Variants in MYL4 observed in about 807,000 individuals in gnomAD.
MYL4 encodes the protein atrial myosin light chain 1.
A neutral mutation model predicts 21.6 loss-of-function variants in MYL4; 16 were observed. That is an observed-to-expected ratio of 0.74 (90% confidence interval 0.50 to 1.12). The LOEUF (loss-of-function observed/expected upper bound fraction) is 1.12, where lower values mean the gene tolerates loss of function less well. MYL4 is among the 50% of genes most tolerant of loss of function. The pLI, the probability that MYL4 is intolerant of heterozygous loss-of-function variation, is 0.00. For missense variants in MYL4, 249 were observed against 252.9 expected (o/e 0.98, Z 0.11); for synonymous variants, 82 against 95.7 (o/e 0.86, Z 0.83).
intron 2 of MYL4, among the ~76,000 whole-genome samples, chr17:47,218,298 T>C (rs2064830035): frequency 6.6e-6 from 1 of 152,236 alleles, no homozygotes; most frequent in East Asian, 1.9e-4. Flanking sequence ...AAATAATCCA[T>C]ACGCAGCCTC....
chr17:47,209,286 C>A, upstream of MYL4: 1 of 1,148,746 alleles, frequency 8.7e-7, no homozygotes, highest in Non-Finnish European at 1.3e-6. Context: ...CTTGCTTTCA[C>A]CCAGCCCCTC....
Position 47,209,357 on chromosome 17 carries a change from C to G in MYL4, c.-66C>G. Reference sequence around the variant, plus strand: ...GGCAGCCCAGGCTCCTATCTCATCTCCCAGACGCCACGTCTCTCGGTTTCT... The same window carrying G: ...GGCAGCCCAGGCTCCTATCTCATCTGCCAGACGCCACGTCTCTCGGTTTCT... On this transcript the variant is annotated 5_prime_UTR_variant, in exon 1 of 7. Coordinates refer to ENST00000393450, the MANE Select transcript of MYL4 (RefSeq NM_002476.2). 2 of 1,609,402 alleles carry G rather than the reference C, an allele frequency of 1.2e-6. No homozygotes were observed. Among genetic ancestry groups the G allele is most frequent in the Non-Finnish European group, 1.7e-6 (2 of 1,177,008 alleles).
intron 5 of MYL4, 63 bp from the exon 6 acceptor site, chr17:47,222,951 C>A: frequency 6.2e-7 from 1 of 1,600,128 alleles, no homozygotes; most frequent in South Asian, 1.1e-5. Context: ...AGAGAAGGGA[C>A]AAGTGGTTTA....
At chr17:47,222,535 G>C (rs2064864701) in intron 5 of MYL4, 78 bp downstream of exon 5, 2 of 1,394,268 alleles carry the variant, frequency 1.4e-6, no homozygotes, top group Admixed American at 3.6e-5. Context: ...GGGCCCAGGA[G>C]CTGGAGGGTA....
upstream of MYL4, among the ~76,000 whole-genome samples, chr17:47,206,824 C>T (rs969287259): frequency 6.6e-6 from 1 of 152,198 alleles, no homozygotes; most frequent in Non-Finnish European, 1.5e-5. Context: ...TTCTATCCTG[C>T]AGCTCTTTAC....
chr17:47,222,387 G>A lies in MYL4; in HGVS notation c.495G>A (p.Lys165=), dbSNP rs1397460433. 1 of 1,614,160 alleles carries A rather than the reference G, an allele frequency of 6.2e-7. No individual in the cohort carries two copies. Among genetic ancestry groups the A allele is most frequent in the South Asian group, 1.1e-5 (1 of 91,086 alleles). The change falls in exon 5 of 7, where the codon AAG becomes AAA. Residue 165 remains lysine (K), a synonymous_variant. Transcript: ENST00000393450. ...CTCCCAAACCCACCGCAGGAGAGAA[G>A]ATGACTGAGGCTGAAGTGGAGCAGC... ...LRHVLATLGE[K]MTEAEVEQLL... is the part of the protein sequence containing the mutation.
At chr17:47,220,870 G>A (rs552842265) in intron 3 of MYL4, among the ~76,000 whole-genome samples, 121 of 152,242 alleles carry the variant, frequency 7.9e-4, no homozygotes, top group African/African-American at 2.9e-3. Context: ...TCTCAGCAAG[G>A]GTGGTCTGTC....
the MYL4 span, among the ~76,000 whole-genome samples, chr17:47,192,000 G>A: frequency 2.6e-5 from 4 of 152,286 alleles, no homozygotes; most frequent in Middle Eastern, 3.4e-3. Flanking sequence ...CTGATGCTTG[G>A]CACTCTGGCT....
rs958119965 is a variant in MYL4 at position 47,223,210 on chromosome 17, A to T, written c.*15+153A>T. The T allele has an allele frequency of 8.4e-6, 6 of 711,686 alleles. No homozygotes were observed. In the African/African-American group the frequency reaches 8.9e-5, roughly 11 times the overall value. 44.1% of individuals were successfully genotyped at this position (711,686 alleles called of 1,614,324 possible). On this transcript the variant is annotated intron_variant, in intron 6 of 6. Coordinates refer to ENST00000393450, the MANE Select transcript of MYL4 (RefSeq NM_002476.2). ...GTGAGGACAGCCCTGCTCACTCACCATCTCCTGTCTCCTGCCTGCCCTTGC... is the reference window on the plus strand; with the variant it reads ...GTGAGGACAGCCCTGCTCACTCACCTTCTCCTGTCTCCTGCCTGCCCTTGC...
upstream of MYL4, chr17:47,209,300 G>A: frequency 3.0e-6 from 4 of 1,315,510 alleles, no homozygotes; most frequent in Non-Finnish European, 4.3e-6. Context: ...GCCCCTCTGT[G>A]GGGGCTCCTG....
intron 1 of MYL4, among the ~76,000 whole-genome samples, chr17:47,203,465 T>C (rs917144439): frequency 2.0e-5 from 3 of 152,218 alleles, no homozygotes; most frequent in Non-Finnish European, 4.4e-5. Context: ...GATTACTTTT[T>C]CATACATAAG....
chr17:47,222,215 G>A lies in MYL4; in HGVS notation c.488-165G>A. 3 of 687,346 alleles carry A rather than the reference G, an allele frequency of 4.4e-6. No individual in the cohort carries two copies. In the East Asian group the frequency reaches 8.0e-5, roughly 18 times the overall value. 42.6% of individuals were successfully genotyped at this position (687,346 alleles called of 1,614,324 possible). ...CTTCGGAGACTAGGCAAGACCTTTA[G>A]ACCCTTGGCCGCACCCTTCAGAACC... On this transcript the variant is annotated intron_variant, in intron 4 of 6. Coordinates refer to ENST00000393450, the MANE Select transcript of MYL4 (RefSeq NM_002476.2).
chr17:47,225,885 A>T (rs2064883954), downstream of MYL4, among the ~76,000 whole-genome samples: 9 of 109,532 alleles, frequency 8.2e-5, no homozygotes, highest in African/African-American at 1.1e-4. Context: ...TGGTTTTTTA[A>T]CATTTATTTT....
chr17:47,210,167 G>T (rs1026307589), intron 1 of MYL4, among the ~76,000 whole-genome samples: 15 of 152,110 alleles, frequency 9.9e-5, no homozygotes, highest in Admixed American at 9.8e-4. Context: ...CCTTAGCCTG[G>T]GTTCCTATCT....
chr17:47,224,574 T>C (rs1324337158), downstream of MYL4, among the ~76,000 whole-genome samples: 2 of 152,178 alleles, frequency 1.3e-5, no homozygotes, highest in African/African-American at 4.8e-5. Flanking sequence ...CATTCTACTT[T>C]CCATTTCTAT....
intron 2 of MYL4, 32 bp downstream of exon 2, chr17:47,213,858 T>C (rs1343026148): frequency 5.6e-6 from 9 of 1,610,780 alleles, no homozygotes; most frequent in Non-Finnish European, 7.6e-6. Context: ...TCTCCGTCTC[T>C]ATTGCACTTT....
chr17:47,192,666 C>T, the MYL4 span, among the ~76,000 whole-genome samples: 1 of 151,480 alleles, frequency 6.6e-6, no homozygotes, highest in Non-Finnish European at 1.5e-5. Flanking sequence ...AAAAAAGCAT[C>T]TCCTTTCTGA....
the MYL4 span, among the ~76,000 whole-genome samples, chr17:47,192,806 T>C: frequency 1.2e-3 from 176 of 152,298 alleles, 1 homozygote; most frequent in African/African-American, 4.1e-3. Flanking sequence ...ATTGACCTAC[T>C]TAAACTCGCT....
chr17:47,191,488 G>C, the MYL4 span, among the ~76,000 whole-genome samples: 2 of 151,162 alleles, frequency 1.3e-5, no homozygotes, highest in Non-Finnish European at 2.9e-5. Flanking sequence ...TTTTTTTTCC[G>C]AGACTGAGTC....
Sources: allele counts gnomAD v4.1 joint callset (sites outside exome capture counted in the v4.1 genomes callset), GRCh38; gene constraint gnomAD v4.1.1; transcripts MANE v1.5; gene names NCBI Gene and HGNC (gene_info 2026-07-23, HGNC 2026-07-21).